The following CYP39A1 variants were observed in gnomAD, a reference collection of about 807,000 sequenced individuals.
CYP39A1 encodes cytochrome P450 family 39 subfamily A member 1.
Under a neutral mutation model 58.1 loss-of-function variants are expected in CYP39A1, and 49 were observed. The observed-to-expected ratio is 0.84, with a 90% CI of 0.67 to 1.07. The LOEUF (loss-of-function observed/expected upper bound fraction) is 1.07. Ranked by LOEUF, CYP39A1 falls within the 50% of genes least tolerant of loss-of-function variation. The probability of loss-of-function intolerance (pLI) is 0.00; values close to 1 mark genes in which losing one functional copy is unlikely to be tolerated. For missense variants in CYP39A1, 531 were observed against 539.4 expected, an observed-to-expected ratio of 0.98 and a Z score of 0.16; for synonymous variants, 209 against 187.6, an observed-to-expected ratio of 1.11 and a Z score of -0.93.
intron 10 of CYP39A1, among the ~76,000 whole-genome samples, chr6:46,559,423 A>G (rs1468862304): frequency 2.6e-5 from 4 of 152,320 alleles, no homozygotes; most frequent in Middle Eastern, 3.4e-3. Context: ...CAATTTAAGT[A>G]CTTTTCTCTA....
At chr6:46,633,025 C>T (rs962862359) in intron 5 of CYP39A1, among the ~76,000 whole-genome samples, 1 of 152,000 alleles carries the variant, frequency 6.6e-6, no homozygotes, top group South Asian at 2.1e-4. Flanking sequence ...ATTAACTACT[C>T]TAATCCCTAG....
At chr6:46,601,572 T>A (rs1416796490) in intron 7 of CYP39A1, among the ~76,000 whole-genome samples, 1 of 152,150 alleles carries the variant, frequency 6.6e-6, no homozygotes, top group Non-Finnish European at 1.5e-5. Context: ...ATACAGAAAG[T>A]ACGTGCCCAC....
chr6:46,578,156 A>G (rs1771940150), intron 10 of CYP39A1, among the ~76,000 whole-genome samples: 1 of 152,162 alleles, frequency 6.6e-6, no homozygotes, highest in Non-Finnish European at 1.5e-5. Flanking sequence ...ATAGAAATTA[A>G]TTGCTCTGCT....
chr6:46,644,383 C>A (rs1358083271), intron 1 of CYP39A1, among the ~76,000 whole-genome samples: 1 of 152,052 alleles, frequency 6.6e-6, no homozygotes. Flanking sequence ...GAAGGCTGGG[C>A]TAGACATGCC....
At chr6:46,573,128 C>T (rs1771680382) in intron 10 of CYP39A1, among the ~76,000 whole-genome samples, 1 of 151,794 alleles carries the variant, frequency 6.6e-6, no homozygotes, top group Admixed American at 6.6e-5. Flanking sequence ...ATTTTTAATT[C>T]CTTGTTTAGG....
At chr6:46,594,437 G>A (rs762045638) in intron 8 of CYP39A1, among the ~76,000 whole-genome samples, 3 of 151,996 alleles carry the variant, frequency 2.0e-5, no homozygotes, top group Non-Finnish European at 4.4e-5. Flanking sequence ...AATCAAAACA[G>A]CATGGTACTG....
At chr6:46,600,009 G>T (rs1057110771) in intron 7 of CYP39A1, among the ~76,000 whole-genome samples, 1 of 152,024 alleles carries the variant, frequency 6.6e-6, no homozygotes, top group Admixed American at 6.6e-5. Context: ...ATATATATTT[G>T]GTCTGTGGTT....
Position 46,637,901 on chromosome 6 carries a change from T to C in CYP39A1, c.566A>G (p.Glu189Gly). The C allele has an allele frequency of 6.2e-7, 1 of 1,613,228 alleles. No homozygotes were observed. Among genetic ancestry groups the C allele is most frequent in the Non-Finnish European group, 8.5e-7 (1 of 1,179,808 alleles). The change falls in exon 4 of 12, where the codon GAG becomes GGG. Residue 189 changes from glutamate to glycine, a missense_variant. Glu to Gly is a moderately conservative substitution (Grantham distance 98). Coordinates refer to ENST00000275016, the MANE Select transcript of CYP39A1 (RefSeq NM_016593.5). Reference protein sequence around the residue: ...LFSTNKKKIKEFHQYFQVYDE... With the variant: ...LFSTNKKKIKGFHQYFQVYDE... ...ATAAACTTGAAAATACTGATGGAAC[T>C]CCTTGATTTTTTTCTTGTTTGTGGA...
intron 11 of CYP39A1, among the ~76,000 whole-genome samples, chr6:46,551,085 T>G (rs1265146416): frequency 1.3e-5 from 2 of 152,096 alleles, no homozygotes; most frequent in Non-Finnish European, 2.9e-5. Flanking sequence ...AAGGAACATT[T>G]TCTGTCAACC....
chr6:46,566,402 G>C (rs1771280471), intron 10 of CYP39A1, among the ~76,000 whole-genome samples: 1 of 152,130 alleles, frequency 6.6e-6, no homozygotes. Context: ...CATGGTAGAA[G>C]GTGAAGGGGA....
Position 46,630,989 on chromosome 6 carries a change from A to C in CYP39A1, c.814T>G (p.Trp272Gly). 1 of 1,614,008 alleles carries C rather than the reference A, an allele frequency of 6.2e-7. No individual in the cohort carries two copies. Among genetic ancestry groups the C allele is most frequent in the Non-Finnish European group, 8.5e-7 (1 of 1,179,946 alleles). ...GGAACAGCATTAGACAGAGAAGCCCAAAGCAGTAAGAGCCCATAATTGGGT... is the reference window on the plus strand; with the variant it reads ...GGAACAGCATTAGACAGAGAAGCCCCAAGCAGTAAGAGCCCATAATTGGGT... Reference protein sequence around the residue: ...NSPNYGLLLLWASLSNAVPVA... With the variant: ...NSPNYGLLLLGASLSNAVPVA... The change falls in exon 6 of 12, where the codon TGG becomes GGG. Residue 272 changes from tryptophan to glycine, a missense_variant. By Grantham distance (184) the Trp-to-Gly change is radical. Coordinates refer to ENST00000275016, the MANE Select transcript of CYP39A1 (RefSeq NM_016593.5).
Position 46,550,265 on chromosome 6 carries a change from AGTGAAGCAGT to A in CYP39A1, c.*91_*100del, listed in dbSNP as rs1770316891. 1 of 869,456 alleles carries A rather than the reference AGTGAAGCAGT, an allele frequency of 1.2e-6. No individual in the cohort carries two copies. The highest frequency in any genetic ancestry group is 1.8e-5 in the South Asian group (1 of 56,782). The allele number at this position is 869,456 out of a possible 1,614,324, so 53.9% of individuals were successfully genotyped here. On this transcript the variant is annotated 3_prime_UTR_variant, in exon 12 of 12. Transcript: ENST00000275016. ...GTTCTTGAACTAAGTCCTAAAACAA[AGTGAAGCAGT>A]GTGTTTTTGTAGAGCTCAGGTCTAG...
Position 46,613,359 on chromosome 6 carries a change from A to G in CYP39A1, c.931+12059T>C, listed in dbSNP as rs78631980. On this transcript the variant is annotated intron_variant, in intron 7 of 11. Transcript: ENST00000275016. ...TCTGAGCAAGGTTTCTCTTTCATCC[A>G]CAATCACACAATTAGTGAGTGACAA... Among the ~76,000 whole-genome samples, 304 of 152,326 alleles carry G rather than the reference A, an allele frequency of 2.0e-3. 1 individual carries two copies. The highest frequency in any genetic ancestry group is 7.1e-3 in the African/African-American group (297 of 41,576).
intron 10 of CYP39A1, among the ~76,000 whole-genome samples, chr6:46,559,982 G>C (rs1770888290): frequency 1.3e-5 from 2 of 152,094 alleles, no homozygotes; most frequent in African/African-American, 4.8e-5. Context: ...TTAAATTCTA[G>C]TAGAATGCAT....
rs1771380589 is a variant in CYP39A1 at position 46,567,874 on chromosome 6, A to G, written c.1251-14020T>C. 1.3e-5 allele frequency among the ~76,000 whole-genome samples: 2 copies of G among 152,160 alleles called. 1 individual carries two copies. The highest frequency in any genetic ancestry group is 4.1e-4 in the South Asian group (2 of 4,834). On this transcript the variant is annotated intron_variant, in intron 10 of 11. Transcript: ENST00000275016. The stretch of plus-strand genomic sequence containing the variant: ...GAGAAAGTTCACTGGTGCTGGCAGC[A>G]TCTTACAAGAGCTAGTGAGCTCTGA...
intron 10 of CYP39A1, 149 bp from the exon 11 acceptor site, chr6:46,554,003 C>T (rs957287002): frequency 3.3e-6 from 2 of 609,216 alleles, no homozygotes; most frequent in African/African-American, 3.8e-5. Context: ...AGAGTAAGAA[C>T]TTAACTCTTT....
intron 8 of CYP39A1, 36 bp from the exon 9 acceptor site, chr6:46,588,165 G>C (rs1390939562): frequency 4.5e-6 from 6 of 1,333,986 alleles, no homozygotes; most frequent in Non-Finnish European, 6.3e-6. Flanking sequence ...TCATTTTTTT[G>C]AAATATACTT....
chr6:46,550,874 C>T (rs1241397922), intron 11 of CYP39A1, among the ~76,000 whole-genome samples: 6 of 152,112 alleles, frequency 3.9e-5, no homozygotes, highest in South Asian at 2.1e-4. Flanking sequence ...TATTCATGAT[C>T]GTGACTTTCC....
chr6:46,616,169 TTCTTTC>T (rs1561993959), intron 7 of CYP39A1, among the ~76,000 whole-genome samples: 1 of 46,932 alleles, frequency 2.1e-5, no homozygotes, highest in African/African-American at 9.6e-5. Flanking sequence ...TCTTTTTTCT[TTCTTTC>T]TTTCTTTCTT....
Sources: allele counts gnomAD v4.1 joint callset (sites outside exome capture counted in the v4.1 genomes callset), GRCh38; gene constraint gnomAD v4.1.1; transcripts MANE v1.5; gene names NCBI Gene and HGNC (gene_info 2026-07-23, HGNC 2026-07-21).